Variants in VPS13B observed in about 807,000 individuals in gnomAD.
VPS13B encodes the protein vacuolar protein sorting 13 homolog B, also known as intermembrane lipid transfer protein VPS13B.
Under a neutral mutation model 426.4 loss-of-function variants are expected in VPS13B, and 285 were observed. The observed-to-expected ratio is 0.67, with a 90% CI of 0.61 to 0.74. VPS13B has a LOEUF of 0.74. Ranked by LOEUF, VPS13B falls within the 30% of genes least tolerant of loss-of-function variation. VPS13B has a pLI of 0.00. For synonymous variants in VPS13B, 1,676 were observed against 1,676.4 expected (o/e 1.00, Z 0.01); for missense variants, 4,537 against 4,782.6 (o/e 0.95, Z 1.51).
rs1474958157 is a variant in VPS13B at position 99,853,619 on chromosome 8, T to G, written c.10230T>G (p.Pro3410=). Residue 3410 remains proline (P), a synonymous_variant, in exon 56 of 62, where the codon CCT becomes CCG. Coordinates refer to ENST00000357162, the MANE Select transcript of VPS13B (RefSeq NM_152564.5). ...CTGGTCCCCTCCCTGGGGAAGAGCCTGTGGCTGCGTTGTTTGAACTTTACT... is the reference window on the plus strand; with the variant it reads ...CTGGTCCCCTCCCTGGGGAAGAGCCGGTGGCTGCGTTGTTTGAACTTTACT... ...PGAGPLPGEE[P]VAALFELYCV... The G allele has an allele frequency of 1.2e-6, 2 of 1,614,084 alleles. No homozygotes were observed. The highest frequency in any genetic ancestry group is 1.7e-6 in the Non-Finnish European group (2 of 1,180,038).
chr8:99,741,179 C>T (rs1416810016), intron 39 of VPS13B, among the ~76,000 whole-genome samples: 3 of 152,134 alleles, frequency 2.0e-5, no homozygotes, highest in Non-Finnish European at 4.4e-5. Flanking sequence ...CAATCCTAGT[C>T]TCTGATAAAA....
At chr8:99,103,634 G>A (rs1157385781) in intron 5 of VPS13B, among the ~76,000 whole-genome samples, 2 of 151,646 alleles carry the variant, frequency 1.3e-5, no homozygotes, top group Non-Finnish European at 1.5e-5. Flanking sequence ...CGAGTAGCTG[G>A]GACTACAGGC....
At chr8:99,095,819 C>T (rs962623745) in intron 3 of VPS13B, among the ~76,000 whole-genome samples, 1 of 152,010 alleles carries the variant, frequency 6.6e-6, no homozygotes, top group Non-Finnish European at 1.5e-5. Flanking sequence ...ATTTAGTATA[C>T]ATTGTTTAGT....
chr8:99,084,200 G>T (rs556286474), intron 3 of VPS13B, among the ~76,000 whole-genome samples: 1 of 152,068 alleles, frequency 6.6e-6, no homozygotes, highest in Non-Finnish European at 1.5e-5. Flanking sequence ...GTGTGTCGAG[G>T]AATTTATCCA....
intron 25 of VPS13B, 150 bp downstream of exon 25, chr8:99,481,952 A>G (rs1588425057): frequency 2.0e-6 from 2 of 981,930 alleles, no homozygotes; most frequent in Admixed American, 2.2e-5. Context: ...GTGACTGTCT[A>G]TTCCTTTTAG....
In VPS13B at chr8:99,431,593, A is replaced by G. The variant is rs1204634414; in HGVS notation, c.3139A>G (p.Arg1047Gly). 5 of 1,613,430 alleles carry G rather than the reference A, an allele frequency of 3.1e-6. No homozygotes were observed. The highest frequency in any genetic ancestry group is 4.2e-6 in the Non-Finnish European group (5 of 1,179,764). ...KAMLNISESC[R>G]SPEERMKEFI... ...CATGTTGAATATATCTGAAAGCTGT[A>G]GAAGTCCTGAAGAAAGAATGAAGGA... The change falls in exon 22 of 62, where the codon AGA (arginine) becomes GGA (glycine). Residue 1047 changes from arginine to glycine, a missense_variant. This residue lies in a region of VPS13B where 4,311 missense variants were observed against 4,474.3 expected (regional missense o/e 0.96). Coordinates refer to ENST00000357162, the MANE Select transcript of VPS13B (RefSeq NM_152564.5).
intron 42 of VPS13B, among the ~76,000 whole-genome samples, chr8:99,780,177 T>C (rs1243614173): frequency 6.6e-6 from 1 of 152,064 alleles, no homozygotes; most frequent in African/African-American, 2.4e-5. Flanking sequence ...TAGTGTGATC[T>C]AAATCTTTGC....
intron 33 of VPS13B, among the ~76,000 whole-genome samples, chr8:99,620,821 AT>A (rs918463931): frequency 4.6e-5 from 7 of 151,268 alleles, no homozygotes; most frequent in African/African-American, 1.5e-4. Flanking sequence ...AAAAAAAAAA[AT>A]ATACAAAATA....
chr8:99,548,805 A>G (rs980827323), intron 30 of VPS13B, among the ~76,000 whole-genome samples: 1 of 151,996 alleles, frequency 6.6e-6, no homozygotes, highest in African/African-American at 2.4e-5. Context: ...ATAACGATAA[A>G]GAAAAATAAA....
intron 39 of VPS13B, among the ~76,000 whole-genome samples, chr8:99,737,971 A>G (rs1833914522): frequency 6.6e-6 from 1 of 152,226 alleles, no homozygotes; most frequent in Non-Finnish European, 1.5e-5. Flanking sequence ...ACCAAAGGGC[A>G]TTTCCAGTGA....
At chr8:99,809,225 A>G (rs1051368587) in intron 43 of VPS13B, 150 bp from the exon 44 acceptor site, 19 of 945,242 alleles carry the variant, frequency 2.0e-5, no homozygotes, top group Non-Finnish European at 3.1e-5. Context: ...TGGTGGAATA[A>G]GTTGGAAGTG....
At chr8:99,813,729 A>G (rs1813861474) in intron 44 of VPS13B, among the ~76,000 whole-genome samples, 1 of 152,256 alleles carries the variant, frequency 6.6e-6, no homozygotes, top group Non-Finnish European at 1.5e-5. Flanking sequence ...AAATAAGCAG[A>G]TAGTTGAGAA....
In VPS13B at chr8:99,776,884, T is replaced by C. The variant is rs1484349489; in HGVS notation, c.7357T>C (p.Ser2453Pro). The change falls in exon 41 of 62, where the codon TCC (serine) becomes CCC (proline). Residue 2453 changes from serine (S) to proline (P), a missense_variant. By Grantham distance (74) the Ser-to-Pro change is moderately conservative (BLOSUM62 -1). Transcript: ENST00000357162. The stretch of plus-strand genomic sequence containing the variant: ...CTGCTTTACCCCATGGTTTGTCCCA[T>C]CCCTTTGCGTTTCTTTCCAGTTTGC... Reference protein sequence around the residue: ...DSCFTPWFVPSLCVSFQFAHL... With the variant: ...DSCFTPWFVPPLCVSFQFAHL... 6.2e-7 allele frequency: 1 copy of C among 1,613,978 alleles called. No individual in the cohort carries two copies. Among genetic ancestry groups the C allele is most frequent in the African/African-American group, 1.3e-5 (1 of 74,932 alleles).
intron 33 of VPS13B, among the ~76,000 whole-genome samples, chr8:99,609,158 T>C (rs926510591): frequency 6.6e-6 from 1 of 152,220 alleles, no homozygotes; most frequent in African/African-American, 2.4e-5. Context: ...GTTCATTGGT[T>C]TCTCTTGACT....
intron 21 of VPS13B, among the ~76,000 whole-genome samples, chr8:99,404,634 C>T (rs1430047758): frequency 6.6e-6 from 1 of 152,180 alleles, no homozygotes; most frequent in Non-Finnish European, 1.5e-5. Context: ...ATAAAGGTCA[C>T]TTTCTCTTCA....
intron 19 of VPS13B, among the ~76,000 whole-genome samples, chr8:99,353,982 C>T (rs1004246962): frequency 1.3e-5 from 2 of 151,826 alleles, no homozygotes; most frequent in Admixed American, 1.3e-4. Flanking sequence ...AATTGATTTC[C>T]AAAATTATCA....
intron 33 of VPS13B, chr8:99,613,832 C>G (rs1827947462): frequency 6.6e-6 from 1 of 152,258 alleles, no homozygotes; most frequent in Non-Finnish European, 1.5e-5. Context: ...AGTGACTATT[C>G]ATAGGCGCAG....
rs143379236 is a variant in VPS13B at position 99,814,269 on chromosome 8, G to A, written c.8098-3271G>A. 1.2e-4 allele frequency among the ~76,000 whole-genome samples: 19 copies of A among 152,284 alleles called. No homozygotes were observed. The East Asian group carries it at 3.1e-3, about 25-fold the overall frequency. On this transcript the variant is annotated intron_variant, in intron 44 of 61. Transcript: ENST00000357162. ...CATAGGAAAATGTATCAGTTAGGAC[G>A]CTTTCAGTTTGAAGTTACAAAATAT...
chr8:99,306,828 A>G (rs1221700032), intron 19 of VPS13B, among the ~76,000 whole-genome samples: 2 of 152,060 alleles, frequency 1.3e-5, no homozygotes, highest in Non-Finnish European at 2.9e-5. Context: ...ATGAAGTGGG[A>G]TGATAGTGAA....
Sources: gnomAD v4.1 joint callset for allele counts (sites outside exome capture counted in the v4.1 genomes callset) on GRCh38, gnomAD v4.1.1 for gene constraint, gnomAD v4.1.1 regional missense constraint, MANE v1.5 for transcripts, NCBI Gene and HGNC (gene_info 2026-07-23, HGNC 2026-07-21) for gene names.